TIAM1: variants seen among roughly 807,000 people sequenced by gnomAD.
The protein encoded by TIAM1 is rho guanine nucleotide exchange factor TIAM1.
A neutral mutation model predicts 163.5 loss-of-function variants in TIAM1; 65 were observed. That is an observed-to-expected ratio of 0.40 (90% CI 0.33 to 0.49). The LOEUF is 0.49. TIAM1 is among the 20% of genes least tolerant of loss of function. The pLI is 0.77. For synonymous variants in TIAM1, 833 were observed against 810.1 expected, an observed-to-expected ratio of 1.03 and a Z score of -0.48; for missense variants, 1,789 against 2,044.7, an observed-to-expected ratio of 0.87 and a Z score of 2.41.
chr21:31,431,349 G>C (rs976279978), intron 2 of TIAM1, among the ~76,000 whole-genome samples: 1 of 152,176 alleles, frequency 6.6e-6, no homozygotes, highest in African/African-American at 2.4e-5. Context: ...TATACCCCTA[G>C]AATTTCTGAT....
chr21:31,395,154 C>G lies in TIAM1; in HGVS notation c.-368-55732G>C, dbSNP rs1569294158. On this transcript the variant is annotated intron_variant, in intron 2 of 28. Transcript: ENST00000286827. The surrounding 1 kb of genome is among the most constrained non-coding windows in gnomAD (Gnocchi z 7.5). ...TTGGGAGGCTGCGGCACCAGAATTG[C>G]TTGAGCCTGGGAGGCAGAGGTTGCA... 6.6e-6 allele frequency among the ~76,000 whole-genome samples: 1 copy of G among 151,914 alleles called. No individual in the cohort carries two copies. The highest frequency in any genetic ancestry group is 1.5e-5 in the Non-Finnish European group (1 of 67,980).
intron 1 of TIAM1, among the ~76,000 whole-genome samples, chr21:31,525,098 G>A (rs1181274989): frequency 6.6e-6 from 1 of 152,044 alleles, no homozygotes; most frequent in African/African-American, 2.4e-5. Flanking sequence ...TCAGATCTGA[G>A]GCTGGGCGCG....
At chr21:31,548,493 T>G (rs2409413) in intron 1 of TIAM1, among the ~76,000 whole-genome samples, 64,929 of 147,130 alleles carry the variant, frequency 0.44, 15,403 homozygotes, top group African/African-American at 0.63. Flanking sequence ...TGTTGTTGTT[T>G]TTTTTTTTTT....
At chr21:31,486,344 C>T (rs1375300477) in intron 1 of TIAM1, among the ~76,000 whole-genome samples, 2 of 152,200 alleles carry the variant, frequency 1.3e-5, no homozygotes, top group African/African-American at 4.8e-5. Context: ...CCAGCTGCAC[C>T]GGCGTCATCC....
intron 8 of TIAM1, among the ~76,000 whole-genome samples, chr21:31,221,018 C>G (rs2087526126): frequency 6.6e-6 from 1 of 152,130 alleles, no homozygotes; most frequent in African/African-American, 2.4e-5. Context: ...TACCCTCACA[C>G]CTCCTCCTTC....
At chr21:31,456,345 G>A (rs1173356845) in intron 2 of TIAM1, among the ~76,000 whole-genome samples, 2 of 152,304 alleles carry the variant, frequency 1.3e-5, no homozygotes, top group Non-Finnish European at 2.9e-5. Flanking sequence ...GGTCATACCT[G>A]GCGGAACCCA....
chr21:31,224,343 G>C (rs1822044108), intron 7 of TIAM1, among the ~76,000 whole-genome samples: 2 of 152,174 alleles, frequency 1.3e-5, no homozygotes, highest in African/African-American at 4.8e-5. Context: ...GGTGGAAACA[G>C]CTTGAATGTC....
At chr21:31,195,807 C>G (rs1052869149) in intron 12 of TIAM1, among the ~76,000 whole-genome samples, 1 of 152,002 alleles carries the variant, frequency 6.6e-6, no homozygotes, top group Non-Finnish European at 1.5e-5. Context: ...TGAACTGTAT[C>G]GAAATTAGCT....
chr21:31,211,021 G>C (rs1257848139), intron 10 of TIAM1, among the ~76,000 whole-genome samples: 1 of 151,084 alleles, frequency 6.6e-6, no homozygotes, highest in African/African-American at 2.4e-5. Flanking sequence ...CATCATTTTT[G>C]TGCTCTCCTT....
chr21:31,529,759 C>T (rs2047913367), intron 1 of TIAM1, among the ~76,000 whole-genome samples: 1 of 139,584 alleles, frequency 7.2e-6, no homozygotes, highest in Admixed American at 7.6e-5. Context: ...TCCATGAACT[C>T]CAACCTGGTA....
intron 26 of TIAM1, among the ~76,000 whole-genome samples, chr21:31,126,515 C>T (rs1347856231): frequency 6.6e-6 from 1 of 151,822 alleles, no homozygotes; most frequent in African/African-American, 2.4e-5. Flanking sequence ...TGCAGTGAGC[C>T]GAGATCATGC....
At chr21:31,228,106 T>C (rs1601625216) in intron 6 of TIAM1, among the ~76,000 whole-genome samples, 1 of 141,418 alleles carries the variant, frequency 7.1e-6, no homozygotes, top group Non-Finnish European at 1.5e-5. Context: ...AGAGATGGGG[T>C]TTCACCACGT....
Position 31,154,191 on chromosome 21 carries a change from C to G in TIAM1, c.3171+56G>C, listed in dbSNP as rs912629020. On this transcript the variant is annotated intron_variant, in intron 17 of 27. Coordinates refer to ENST00000541036, the MANE Select transcript of TIAM1 (RefSeq NM_001353694.2). ...TGTTAATGAAAACCAGCAGACACAC[C>G]AACTTCACTCCTTTACGAGGCAGAG... The G allele has an allele frequency of 2.6e-6, 4 of 1,566,130 alleles. No individual in the cohort carries two copies. The African/African-American group carries it at 5.4e-5, about 21-fold the overall frequency.
At chr21:31,487,569 G>C (rs1399706369) in intron 1 of TIAM1, among the ~76,000 whole-genome samples, 13 of 35,588 alleles carry the variant, frequency 3.7e-4, no homozygotes, top group Admixed American at 7.4e-4. Flanking sequence ...TTTTTTTTTT[G>C]AGACGGAGTC....
intron 6 of TIAM1, among the ~76,000 whole-genome samples, chr21:31,238,430 C>T (rs1015247385): frequency 6.6e-5 from 10 of 152,158 alleles, no homozygotes; most frequent in Non-Finnish European, 1.5e-4. Context: ...AAACTAAGAT[C>T]CTACGTTGTC....
chr21:31,174,526 C>T (rs1228579587), intron 15 of TIAM1, among the ~76,000 whole-genome samples: 1 of 152,208 alleles, frequency 6.6e-6, no homozygotes, highest in Non-Finnish European at 1.5e-5. Context: ...ATGCCATAGG[C>T]CTGCTGTTAG....
rs138621881 is a variant in TIAM1, at chr21:31,353,987, G to A, written c.-368-14565C>T. 1.8e-4 allele frequency among the ~76,000 whole-genome samples: 28 copies of A among 151,372 alleles called. No homozygotes were observed. The East Asian group carries it at 2.5e-3, about 14-fold the overall frequency. On this transcript the variant is annotated intron_variant, in intron 2 of 28. Coordinates refer to the TIAM1 transcript ENST00000286827. The stretch of plus-strand genomic sequence containing the variant: ...CAAGTAGCTGGAATTACAGGTGCCC[G>A]CCAACAAGCCCAGCTAATTTGTGTA...
At chr21:31,260,685 AAGAT>A (rs1328503222) in intron 4 of TIAM1, among the ~76,000 whole-genome samples, 4 of 143,770 alleles carry the variant, frequency 2.8e-5, no homozygotes, top group Admixed American at 1.5e-4. Context: ...CAGAAAAAGA[AAGAT>A]AAAGAGAAAA....
At chr21:31,331,905 C>G (rs545421946) in intron 2 of TIAM1, among the ~76,000 whole-genome samples, 8 of 152,240 alleles carry the variant, frequency 5.3e-5, no homozygotes, top group South Asian at 2.1e-4. Context: ...AAATATTGAA[C>G]ATTCAGATCA....
Sources: allele counts gnomAD v4.1 joint callset (sites outside exome capture counted in the v4.1 genomes callset), GRCh38; gene constraint gnomAD v4.1.1; non-coding constraint Gnocchi (gnomAD v3.1); transcripts MANE v1.5; gene names NCBI Gene and HGNC (gene_info 2026-07-23, HGNC 2026-07-21).